ADAM10: variants seen among roughly 807,000 people sequenced by gnomAD.
The protein encoded by ADAM10 is disintegrin and metalloproteinase domain-containing protein 10.
ADAM10 carries 17 observed loss-of-function variants against 90.1 expected under a neutral mutation model. The observed-to-expected ratio is 0.19, with a 90% confidence interval of 0.13 to 0.28. ADAM10 has a LOEUF of 0.28. Ranked by LOEUF, ADAM10 falls within the 10% of genes least tolerant of loss-of-function variation. The probability of loss-of-function intolerance (pLI) is 1.00; values close to 1 mark genes in which losing one functional copy is unlikely to be tolerated. For synonymous variants in ADAM10, 310 were observed against 298.6 expected (o/e 1.04, Z -0.40); for missense variants, 610 against 914.3 (o/e 0.67, Z 4.29).
At chr15:58,638,604 C>T (rs1297524951) in intron 8 of ADAM10, among the ~76,000 whole-genome samples, 1 of 111,820 alleles carries the variant, frequency 8.9e-6, no homozygotes, top group African/African-American at 4.0e-5. Flanking sequence ...GACAGAGCAA[C>T]ACTCTGTCTC....
intron 2 of ADAM10, among the ~76,000 whole-genome samples, chr15:58,685,937 T>C (rs1373079546): frequency 6.6e-6 from 1 of 152,194 alleles, no homozygotes; most frequent in African/African-American, 2.4e-5. Flanking sequence ...GTTGCCACAA[T>C]GGTGGAGAAA....
intron 8 of ADAM10, among the ~76,000 whole-genome samples, chr15:58,639,518 G>A (rs777510983): frequency 3.9e-5 from 6 of 152,104 alleles, no homozygotes; most frequent in Admixed American, 1.3e-4. Context: ...TGAAAGTTTC[G>A]AACATGAAAA....
At chr15:58,653,560 A>C (rs994873067) in intron 5 of ADAM10, among the ~76,000 whole-genome samples, 1 of 152,202 alleles carries the variant, frequency 6.6e-6, no homozygotes, top group Non-Finnish European at 1.5e-5. Flanking sequence ...CCCTGGGATA[A>C]ATACCACTTA....
chr15:58,666,992 T>A (rs991742920), intron 4 of ADAM10, among the ~76,000 whole-genome samples: 1 of 152,100 alleles, frequency 6.6e-6, no homozygotes, highest in Non-Finnish European at 1.5e-5. Flanking sequence ...AAATGGACAA[T>A]GACATTTTCC....
At chr15:58,715,659 C>T (rs776680116) in intron 2 of ADAM10, among the ~76,000 whole-genome samples, 3 of 152,150 alleles carry the variant, frequency 2.0e-5, no homozygotes, top group Non-Finnish European at 4.4e-5. Flanking sequence ...TACTAAGTAA[C>T]TTTTCACTAG....
At chr15:58,637,579 TTC>T (rs756116101) in intron 8 of ADAM10, among the ~76,000 whole-genome samples, 2 of 152,292 alleles carry the variant, frequency 1.3e-5, no homozygotes, top group South Asian at 2.1e-4. Flanking sequence ...TTTATAACTC[TTC>T]TCTCTCAAGA....
rs1430575266 is a variant in ADAM10, at chr15:58,696,462, C to CTTT, written c.207-14151_207-14149dup. ...TTGATACTGATTTCTTTTTTTCTTT[C>CTTT]TTTCTTTTTTTTTTTTTCCCAAGAT... On this transcript the variant is annotated intron_variant, in intron 2 of 15. Transcript: ENST00000260408. Among the ~76,000 whole-genome samples the CTTT allele has an allele frequency of 5.0e-5, 7 of 139,290 alleles. 1 individual carries two copies. The highest frequency in any genetic ancestry group is 1.6e-5 in the Non-Finnish European group (1 of 64,478). The allele number at this position is 139,290 out of a possible 152,430, so 91.4% of individuals were successfully genotyped here.
At chr15:58,737,255 T>C (rs898000776) in intron 1 of ADAM10, among the ~76,000 whole-genome samples, 1 of 152,270 alleles carries the variant, frequency 6.6e-6, no homozygotes, top group Middle Eastern at 3.4e-3. Context: ...CTAAAAATGA[T>C]TACATATATA....
intron 4 of ADAM10, among the ~76,000 whole-genome samples, chr15:58,674,838 A>T (rs1460106244): frequency 1.3e-5 from 2 of 152,232 alleles, no homozygotes; most frequent in African/African-American, 2.4e-5. Context: ...AAGAAGAAAT[A>T]AGTATAGGTA....
chr15:58,615,205 C>T (rs1336227320), intron 11 of ADAM10, among the ~76,000 whole-genome samples: 1 of 137,536 alleles, frequency 7.3e-6, no homozygotes, highest in African/African-American at 2.7e-5. Context: ...ACCCAGGAGG[C>T]GGAGCTTGTG....
At chr15:58,615,771 G>C (rs1225349522) in intron 11 of ADAM10, among the ~76,000 whole-genome samples, 2 of 152,130 alleles carry the variant, frequency 1.3e-5, no homozygotes, top group Admixed American at 1.3e-4. Context: ...ACTTTGGGAG[G>C]CCGAGGCGGG....
intron 1 of ADAM10, among the ~76,000 whole-genome samples, chr15:58,718,967 G>A (rs1160324072): frequency 2.6e-5 from 4 of 152,116 alleles, no homozygotes; most frequent in African/African-American, 9.7e-5. Flanking sequence ...TGGCACAATC[G>A]AAGGGCCAAC....
At chr15:58,746,036 A>C (rs1162386013) in intron 1 of ADAM10, among the ~76,000 whole-genome samples, 4 of 152,230 alleles carry the variant, frequency 2.6e-5, no homozygotes, top group Non-Finnish European at 5.9e-5. Flanking sequence ...CCTTTGAGCT[A>C]ATGTATGAAA....
In ADAM10 at chr15:58,694,746, A is replaced by T. The variant is rs775289308; in HGVS notation, c.207-12432T>A. ...TATAATGGCAAACTACTCAGAAATT[A>T]AAAAAAAAAAAAAGCCAACTATTGA... On this transcript the variant is annotated intron_variant, in intron 2 of 15. Transcript: ENST00000260408. 1.1e-3 allele frequency among the ~76,000 whole-genome samples: 87 copies of T among 78,736 alleles called. No individual in the cohort carries two copies. In the Middle Eastern group the frequency reaches 0.03, roughly 27 times the overall value. 51.7% of individuals were successfully genotyped at this position (78,736 alleles called of 152,430 possible). A position where few individuals can be genotyped will look rare whatever the true frequency, so the allele number is the denominator to read the frequency against.
intron 4 of ADAM10, among the ~76,000 whole-genome samples, chr15:58,670,147 C>T (rs1254828035): frequency 6.6e-6 from 1 of 150,630 alleles, no homozygotes; most frequent in Non-Finnish European, 1.5e-5. Context: ...ATACTGACTA[C>T]AGAGATGTGA....
At chr15:58,626,148 A>T (rs568171717) in intron 10 of ADAM10, among the ~76,000 whole-genome samples, 19 of 149,210 alleles carry the variant, frequency 1.3e-4, no homozygotes, top group Non-Finnish European at 1.9e-4. Context: ...AGAAATGAGA[A>T]CAAAAAAAAA....
chr15:58,693,179 G>A (rs904777121), intron 2 of ADAM10: 2 of 718,084 alleles, frequency 2.8e-6, no homozygotes, highest in African/African-American at 1.7e-5. Context: ...CCTTCTCCAT[G>A]GTACACCTCT....
In ADAM10 at chr15:58,591,144, TG is replaced by T. The variant is rs1566959752; in HGVS notation, c.*6402del. ...AGTAGTTAGCTAAGCCCTTCAACAG[TG>T]AGAGAGAGAGAGAGAGACAGAGCAA... is the stretch of plus-strand genomic sequence containing the variant. On this transcript the variant is annotated 3_prime_UTR_variant, in exon 16 of 16. Coordinates refer to ENST00000260408, the MANE Select transcript of ADAM10 (RefSeq NM_001110.4). The T allele has an allele frequency of 2.7e-5, 4 of 150,062 alleles. No homozygotes were observed. The highest frequency in any genetic ancestry group is 9.7e-5 in the African/African-American group (4 of 41,036). 9.3% of individuals were successfully genotyped at this position (150,062 alleles called of 1,614,324 possible).
chr15:58,652,266 C>T (rs1319307765), intron 5 of ADAM10, among the ~76,000 whole-genome samples: 1 of 152,054 alleles, frequency 6.6e-6, no homozygotes, highest in Admixed American at 6.6e-5. Flanking sequence ...CCCATTTGTC[C>T]ATTTTTGCTT....
Sources: allele counts gnomAD v4.1 joint callset (sites outside exome capture counted in the v4.1 genomes callset), GRCh38; gene constraint gnomAD v4.1.1; transcripts MANE v1.5; gene names NCBI Gene and HGNC (gene_info 2026-07-23, HGNC 2026-07-21).